COA4: variants seen among roughly 807,000 people sequenced by gnomAD.
COA4 encodes the protein cytochrome c oxidase assembly factor 4 homolog, also known as cytochrome c oxidase assembly factor 4 homolog, mitochondrial.
COA4 carries 8 observed loss-of-function variants against 7.3 expected under a neutral mutation model. The observed-to-expected ratio is 1.10, with a 90% CI of 0.64 to 1.98. The LOEUF is 1.98. Ranked by LOEUF, COA4 falls within the 30% of genes most tolerant of loss-of-function variation. The pLI is 0.00. For synonymous variants in COA4, 42 were observed against 44.3 expected, an observed-to-expected ratio of 0.95 and a Z score of 0.21; for missense variants, 96 against 111.2, an observed-to-expected ratio of 0.86 and a Z score of 0.62.
chr11:73,873,985 CT>C (rs1373984691), intron 1 of COA4, among the ~76,000 whole-genome samples: 1 of 152,134 alleles, frequency 6.6e-6, no homozygotes, highest in Admixed American at 6.5e-5. Context: ...GAAATGTCAT[CT>C]TTTTAGATAA....
At chr11:73,875,785 G>A (rs1948736626) in intron 1 of COA4, 1 of 152,174 alleles carries the variant, frequency 6.6e-6, no homozygotes, top group African/African-American at 2.4e-5. Context: ...GGGAGTTTAA[G>A]ACTTTTTATT....
Position 73,876,798 on chromosome 11 carries a change from C to G in COA4, c.-58G>C, listed in dbSNP as rs1948754157. On this transcript the variant is annotated 5_prime_UTR_variant, in exon 1 of 2. Coordinates refer to ENST00000355693, the MANE Select transcript of COA4 (RefSeq NM_016565.3). ...GAGGGCCCGAACGCACGCTCCTACG[C>G]GGCGGCTTGGGTTTCGCAGGCGGTT... 7.3e-6 allele frequency: 3 copies of G among 412,902 alleles called. No individual in the cohort carries two copies. The highest frequency in any genetic ancestry group is 1.3e-5 in the Non-Finnish European group (3 of 234,990). 25.6% of individuals were successfully genotyped at this position (412,902 alleles called of 1,614,324 possible). A position where few individuals can be genotyped will look rare whatever the true frequency, so the allele number is the denominator to read the frequency against.
chr11:73,873,778 C>A, intron 1 of COA4: 1 of 209,884 alleles, frequency 4.8e-6, no homozygotes, highest in Admixed American at 5.2e-5. Flanking sequence ...CTTAGCCACC[C>A]AAAATGCTGG....
At chr11:73,874,513 C>T (rs754022900) in intron 1 of COA4, 2 of 152,074 alleles carry the variant, frequency 1.3e-5, no homozygotes, top group Non-Finnish European at 2.9e-5. Context: ...CACTTGTAGT[C>T]CCAGGTACTC....
At chr11:73,873,694 T>C in intron 1 of COA4, 1 of 401,364 alleles carries the variant, frequency 2.5e-6, no homozygotes, top group Non-Finnish European at 4.4e-6. Flanking sequence ...TTTTTTTGAT[T>C]CTTTAATAGA....
rs921634390 is a variant in COA4 at position 73,876,680 on chromosome 11, A to G, written c.-17+77T>C. On this transcript the variant is annotated intron_variant, in intron 1 of 1. Coordinates refer to ENST00000355693, the MANE Select transcript of COA4 (RefSeq NM_016565.3). ...CGAGGACTTTGAACTTTGAGGACGC[A>G]TGCGCGCGCGCGGCCGCTGATCGCA... 2.3e-5 allele frequency: 5 copies of G among 221,966 alleles called. No homozygotes were observed. The Admixed American group carries it at 2.3e-4, about 10-fold the overall frequency. The allele number at this position is 221,966 out of a possible 1,614,324, so 13.7% of individuals were successfully genotyped here. A position where few individuals can be genotyped will look rare whatever the true frequency, so the allele number is the denominator to read the frequency against.
chr11:73,872,772 A>G lies in COA4; in HGVS notation c.*343T>C. On this transcript the variant is annotated 3_prime_UTR_variant, in exon 2 of 2. Transcript: ENST00000355693. ...GCACTAATTAGGTAATCAATTTACC[A>G]TTAGATTGTAAATTTAATTTAAAAT... The G allele has an allele frequency of 4.1e-6, 1 of 242,782 alleles. No individual in the cohort carries two copies. The highest frequency in any genetic ancestry group is 8.4e-5 in the East Asian group (1 of 11,936). 15.0% of individuals were successfully genotyped at this position (242,782 alleles called of 1,614,324 possible). A position where few individuals can be genotyped will look rare whatever the true frequency, so the allele number is the denominator to read the frequency against.
At chr11:73,875,283 T>A (rs745438074) in intron 1 of COA4, among the ~76,000 whole-genome samples, 2 of 152,246 alleles carry the variant, frequency 1.3e-5, no homozygotes, top group African/African-American at 4.8e-5. Flanking sequence ...TGATGGGCTG[T>A]AAAGCAACTA....
intron 1 of COA4, among the ~76,000 whole-genome samples, chr11:73,875,453 A>G (rs1948731802): frequency 6.6e-6 from 1 of 152,208 alleles, no homozygotes; most frequent in African/African-American, 2.4e-5. Context: ...GAAACAGGGC[A>G]GTTTACTACA....
At chr11:73,876,114 G>C (rs12793826) in intron 1 of COA4, 8,356 of 146,354 alleles carry the variant, frequency 0.057, 263 homozygotes, top group Middle Eastern at 0.11. Flanking sequence ...GTTACAGCGG[G>C]AGACCCTGTC....
At position 73,873,307 on chromosome 11, in the gene COA4, C is replaced by G; in HGVS notation, c.72G>C (p.Pro24=). 6.2e-7 allele frequency: 1 copy of G among 1,614,224 alleles called. No homozygotes were observed. Among genetic ancestry groups the G allele is most frequent in the South Asian group, 1.1e-5 (1 of 91,092 alleles). ...RVKKDDEEED[P]LDQLISRSGC... ...CAGAGCGGGAGATCAGCTGGTCCAG[C>G]GGGTCCTCCTCCTCATCGTCTTTCT... The change falls in exon 2 of 2, where the codon CCG becomes CCC. Residue 24 remains proline, a synonymous_variant. Transcript: ENST00000355693.
chr11:73,875,484 C>T (rs11235937), intron 1 of COA4, among the ~76,000 whole-genome samples: 22,949 of 152,156 alleles, frequency 0.15, 1,855 homozygotes, highest in South Asian at 0.32. Context: ...ATAGCAAAGA[C>T]TGGGACCACA....
At chr11:73,875,169 A>G (rs540711749) in intron 1 of COA4, among the ~76,000 whole-genome samples, 12 of 152,318 alleles carry the variant, frequency 7.9e-5, no homozygotes, top group African/African-American at 2.9e-4. Context: ...TATTTGCCCA[A>G]ACTGTCTTGC....
At chr11:73,873,949 T>C (rs1948715562) in intron 1 of COA4, among the ~76,000 whole-genome samples, 1 of 152,158 alleles carries the variant, frequency 6.6e-6, no homozygotes, top group African/African-American at 2.4e-5. Context: ...GCTCAGTGGA[T>C]TTTGCTATTG....
intron 1 of COA4, chr11:73,873,604 G>A (rs575769853): frequency 1.0e-4 from 59 of 569,612 alleles, no homozygotes; most frequent in Non-Finnish European, 1.7e-4. Context: ...TCCATCTTTA[G>A]GGATCAAGCA....
chr11:73,876,838 C>T lies in COA4; in HGVS notation c.-98G>A, dbSNP rs978610664. 4.4e-5 allele frequency: 26 copies of T among 586,262 alleles called. No homozygotes were observed. The highest frequency in any genetic ancestry group is 2.4e-5 in the Non-Finnish European group (9 of 369,286). The allele number at this position is 586,262 out of a possible 1,614,324, so 36.3% of individuals were successfully genotyped here. A position where few individuals can be genotyped will look rare whatever the true frequency, so the allele number is the denominator to read the frequency against. On this transcript the variant is annotated 5_prime_UTR_variant, in exon 1 of 2. It removes an upstream start codon present in the reference 5' UTR. Coordinates refer to ENST00000355693, the MANE Select transcript of COA4 (RefSeq NM_016565.3). ...CGCAGGCGGTTGGGGATCCTCTGTA[C>T]ATCCTTTCAGGAACCAGCCCCTCGT...
At chr11:73,873,675 C>T (rs1464111566) in intron 1 of COA4, 1 of 444,562 alleles carries the variant, frequency 2.2e-6, no homozygotes, top group Non-Finnish European at 3.9e-6. Flanking sequence ...TGCATCACCA[C>T]TCAGCTAATT....
At chr11:73,875,891 G>A (rs1175875380) in intron 1 of COA4, 1 of 152,224 alleles carries the variant, frequency 6.6e-6, no homozygotes, top group Non-Finnish European at 1.5e-5. Context: ...GAGAAAATGG[G>A]CTTTGAAACA....
chr11:73,873,782 A>G (rs1365144663), intron 1 of COA4: 3 of 204,218 alleles, frequency 1.5e-5, no homozygotes, highest in African/African-American at 4.6e-5. Context: ...GCCACCCAAA[A>G]TGCTGGGATT....
Sources: allele counts gnomAD v4.1 joint callset (sites outside exome capture counted in the v4.1 genomes callset), GRCh38; gene constraint gnomAD v4.1.1; transcripts MANE v1.5; gene names NCBI Gene and HGNC (gene_info 2026-07-23, HGNC 2026-07-21).